Variants in KDM1A observed in about 807,000 individuals in gnomAD.
KDM1A encodes the protein lysine demethylase 1A, also known as lysine-specific histone demethylase 1A.
Under a neutral mutation model 109.4 loss-of-function variants are expected in KDM1A, and 49 were observed. The observed-to-expected ratio is 0.45, with a 90% CI of 0.36 to 0.57. The LOEUF is 0.57. Among genes scored for constraint, KDM1A ranks in the 20% least tolerant of loss-of-function variants. The probability of loss-of-function intolerance (pLI) is 0.00; values close to 1 mark genes in which losing one functional copy is unlikely to be tolerated. For missense variants in KDM1A, 668 were observed against 1,116.6 expected (o/e 0.60, Z 5.73); for synonymous variants, 380 against 415.4 (o/e 0.91, Z 1.04).
chr1:23,043,562 A>T (rs970565204), intron 2 of KDM1A, among the ~76,000 whole-genome samples: 3 of 152,180 alleles, frequency 2.0e-5, no homozygotes, highest in African/African-American at 7.2e-5. Context: ...CAAAGATCAC[A>T]CTCATTTTCC....
chr1:23,049,882 G>A (rs1388371055), intron 3 of KDM1A, among the ~76,000 whole-genome samples: 3 of 152,108 alleles, frequency 2.0e-5, no homozygotes, highest in Non-Finnish European at 4.4e-5. Context: ...CTCACTGCTT[G>A]CCAGCGTTGA....
Position 23,082,330 on chromosome 1 carries a change from A to G in KDM1A, c.2409A>G (p.Pro803=). 6.2e-7 allele frequency: 1 copy of G among 1,613,856 alleles called. No homozygotes were observed. Among genetic ancestry groups the G allele is most frequent in the Non-Finnish European group, 8.5e-7 (1 of 1,179,978 alleles). The change falls in exon 20 of 21, where the codon CCA becomes CCG. Residue 803 remains proline, a synonymous_variant. Coordinates refer to ENST00000400181, the MANE Select transcript of KDM1A (RefSeq NM_001009999.3). Reference sequence around the variant, plus strand: ...ATGACTATGATTTAATGGCTCAGCCAATCACTCCTGGCCCCTCGATTCCAG... The same window carrying G: ...ATGACTATGATTTAATGGCTCAGCCGATCACTCCTGGCCCCTCGATTCCAG... ...SGNDYDLMAQ[P]ITPGPSIPGA...
chr1:23,081,733 G>A (rs1351544334), intron 19 of KDM1A, 160 bp downstream of exon 19: 3 of 862,970 alleles, frequency 3.5e-6, no homozygotes, highest in Non-Finnish European at 1.7e-6. Context: ...TAAGCGTGGG[G>A]TTCAGAAAAC....
intron 4 of KDM1A, among the ~76,000 whole-genome samples, chr1:23,053,162 T>A (rs1642721835): frequency 6.6e-6 from 1 of 152,200 alleles, no homozygotes; most frequent in Non-Finnish European, 1.5e-5. Flanking sequence ...TGGAGTCATA[T>A]AACCCAGGTT....
chr1:23,063,199 G>A (rs112667286), intron 9 of KDM1A, among the ~76,000 whole-genome samples: 1 of 76,714 alleles, frequency 1.3e-5, no homozygotes, highest in South Asian at 3.2e-4. Context: ...GTAGCATTGG[G>A]GGGGGGGTGT....
chr1:23,043,015 A>G (rs616501), intron 2 of KDM1A, among the ~76,000 whole-genome samples: 3 of 152,074 alleles, frequency 2.0e-5, no homozygotes, highest in African/African-American at 7.2e-5. Flanking sequence ...TCCCAAAGTG[A>G]TGGGATTACA....
intron 9 of KDM1A, among the ~76,000 whole-genome samples, chr1:23,062,570 T>A (rs545360387): frequency 1.3e-5 from 2 of 152,302 alleles, no homozygotes; most frequent in East Asian, 3.8e-4. Context: ...ACCCAGACAT[T>A]TTGCTGCTGT....
intron 1 of KDM1A, among the ~76,000 whole-genome samples, chr1:23,028,265 T>TGGCATCTGCCTGCCTC (rs1015014274): frequency 2.6e-5 from 4 of 152,144 alleles, no homozygotes; most frequent in African/African-American, 9.7e-5. Context: ...CCTCCTGCCT[T>TGGCATCTGCCTGCCTC]GGCATCTGCC....
chr1:23,057,203 A>G (rs913817075), intron 7 of KDM1A, among the ~76,000 whole-genome samples: 18 of 152,186 alleles, frequency 1.2e-4, no homozygotes, highest in Non-Finnish European at 2.2e-4. Flanking sequence ...GACTAAATTT[A>G]TCTTCCAGCT....
At chr1:23,030,741 TAAA>T in intron 2 of KDM1A, 107 bp downstream of exon 2, 1 of 1,179,324 alleles carries the variant, frequency 8.5e-7, no homozygotes, top group Non-Finnish European at 1.2e-6. Flanking sequence ...TGGTTTATAA[TAAA>T]GTCTGATATT....
At chr1:23,020,017 C>T in intron 1 of KDM1A, 70 bp downstream of exon 1, 3 of 1,382,940 alleles carry the variant, frequency 2.2e-6, no homozygotes, top group South Asian at 1.6e-5. Context: ...TCCGCCCTCC[C>T]CCGCCGCCGC....
rs935544232 is a variant in KDM1A at position 23,022,314 on chromosome 1, GTTC to G, written c.351+2374_351+2376del. Among the ~76,000 whole-genome samples the G allele has an allele frequency of 1.0e-3, 105 of 100,124 alleles. 1 individual carries two copies. The highest frequency in any genetic ancestry group is 2.8e-3 in the African/African-American group (82 of 29,714). The allele number at this position is 100,124 out of a possible 152,430, so 65.7% of individuals were successfully genotyped here. A position where few individuals can be genotyped will look rare whatever the true frequency, so the allele number is the denominator to read the frequency against. ...ATATGAGGGTTCCAGTTTCTCCAAT[GTTC>G]TTCTTCGTTTTTTTTTTTTTGTTGT... On this transcript the variant is annotated intron_variant, in intron 1 of 20. Coordinates refer to ENST00000400181, the MANE Select transcript of KDM1A (RefSeq NM_001009999.3).
intron 3 of KDM1A, among the ~76,000 whole-genome samples, chr1:23,046,413 A>G (rs1195698392): frequency 6.6e-6 from 1 of 152,124 alleles, no homozygotes; most frequent in African/African-American, 2.4e-5. Context: ...TAATATGTAG[A>G]TCACCTCAGG....
At position 23,083,168 on chromosome 1, in the gene KDM1A, C is replaced by T; in HGVS notation, c.2446-11C>T. The T allele has an allele frequency of 6.2e-7, 1 of 1,600,782 alleles. No individual in the cohort carries two copies. Among genetic ancestry groups the T allele is most frequent in the Non-Finnish European group, 8.5e-7 (1 of 1,170,126 alleles). On this transcript the variant is annotated splice_polypyrimidine_tract_variant and intron_variant, in intron 20 of 20. Coordinates refer to ENST00000400181, the MANE Select transcript of KDM1A (RefSeq NM_001009999.3). ...GCAGCCTGCCAATTTTCTCTTTTTCCCCTAAAATAGCCGATTCCACGACTC... is the reference window on the plus strand; with the variant it reads ...GCAGCCTGCCAATTTTCTCTTTTTCTCCTAAAATAGCCGATTCCACGACTC...
At chr1:23,078,956 T>C in intron 16 of KDM1A, 34 bp from the exon 17 acceptor site, 1 of 1,576,416 alleles carries the variant, frequency 6.3e-7, no homozygotes, top group Non-Finnish European at 8.7e-7. Flanking sequence ...GCCATATTCA[T>C]CACCACTAGT....
In KDM1A at chr1:23,019,727, T is replaced by C. The variant is rs1641551328; in HGVS notation, c.131T>C (p.Leu44Pro). 9 of 1,327,184 alleles carry C rather than the reference T, an allele frequency of 6.8e-6. No individual in the cohort carries two copies. The highest frequency in any genetic ancestry group is 8.7e-6 in the Non-Finnish European group (9 of 1,038,306). 82.2% of individuals were successfully genotyped at this position (1,327,184 alleles called of 1,614,324 possible). ...GSEVAAQPAG[L>P]SGPAEVGPGA... ...GAGGTGGCCGCGCAGCCCGCGGGCC[T>C]GTCGGGCCCAGCCGAGGTCGGGCCG... The change falls in exon 1 of 21, where the codon CTG (leucine) becomes CCG (proline). Residue 44 changes from leucine to proline, a missense_variant. By Grantham distance (98) the Leu-to-Pro change is moderately conservative. This residue lies in a region of KDM1A where 156 missense variants were observed against 163.4 expected (regional missense o/e 0.95). Coordinates refer to ENST00000400181, the MANE Select transcript of KDM1A (RefSeq NM_001009999.3).
chr1:23,042,437 A>ATTT (rs1316853352), intron 2 of KDM1A, among the ~76,000 whole-genome samples: 11 of 31,142 alleles, frequency 3.5e-4, no homozygotes, highest in South Asian at 1.3e-3. Flanking sequence ...TATGAAATAT[A>ATTT]TTATTTTTTT....
chr1:23,053,333 T>C (rs1473619932), intron 4 of KDM1A, among the ~76,000 whole-genome samples: 1 of 152,222 alleles, frequency 6.6e-6, no homozygotes, highest in Non-Finnish European at 1.5e-5. Context: ...ACTGTTTTAA[T>C]TAAAGGAAAG....
intron 20 of KDM1A, 185 bp downstream of exon 20, chr1:23,082,551 G>T: frequency 1.8e-6 from 1 of 556,776 alleles, no homozygotes; most frequent in Non-Finnish European, 3.1e-6. Flanking sequence ...TGTAAATCTA[G>T]GCAGTCTACA....
Sources: gnomAD v4.1 joint callset for allele counts (sites outside exome capture counted in the v4.1 genomes callset) on GRCh38, gnomAD v4.1.1 for gene constraint, gnomAD v4.1.1 regional missense constraint, MANE v1.5 for transcripts, NCBI Gene and HGNC (gene_info 2026-07-23, HGNC 2026-07-21) for gene names.